The following SPTBN1 variants were observed in gnomAD, a reference collection of about 807,000 sequenced individuals.
SPTBN1 encodes spectrin beta chain, non-erythrocytic 1.
A neutral mutation model predicts 266.4 loss-of-function variants in SPTBN1; 32 were observed. The observed-to-expected ratio is 0.12, with a 90% CI of 0.09 to 0.16. The LOEUF (loss-of-function observed/expected upper bound fraction) is 0.16, where lower values mean the gene tolerates loss of function less well. SPTBN1 is among the 10% of genes least tolerant of loss of function. The pLI is 1.00. For synonymous variants in SPTBN1, 1,336 were observed against 1,162.2 expected, an observed-to-expected ratio of 1.15 and a Z score of -3.04; for missense variants, 2,296 against 3,067.1, an observed-to-expected ratio of 0.75 and a Z score of 5.94.
At chr2:54,616,083 G>C in intron 4 of SPTBN1, 124 bp from the exon 5 acceptor site, 1 of 701,226 alleles carries the variant, frequency 1.4e-6, no homozygotes, top group Non-Finnish European at 2.3e-6. Flanking sequence ...TGACAGGGTA[G>C]ATCGTCTGCA....
Position 54,646,482 on chromosome 2 carries a change from G to T in SPTBN1, c.4866+7G>T. ...GTCAGAGGAGAAGGCCAAGGTGAGA[G>T]GAGGCGGGAAGCATCCCTGTCCCAG... On this transcript the variant is annotated splice_region_variant and intron_variant, in intron 23 of 35. Transcript: ENST00000356805. This position sits in a 1 kb window ranked among gnomAD's most constrained non-coding sequence, Gnocchi z 4.4. The T allele has an allele frequency of 6.7e-7, 1 of 1,498,284 alleles. No individual in the cohort carries two copies. The highest frequency in any genetic ancestry group is 2.4e-5 in the Admixed American group (1 of 41,748). 92.8% of individuals were successfully genotyped at this position (1,498,284 alleles called of 1,614,324 possible). A position where few individuals can be genotyped will look rare whatever the true frequency, so the allele number is the denominator to read the frequency against.
intron 1 of SPTBN1, among the ~76,000 whole-genome samples, chr2:54,488,282 C>T (rs1053296185): frequency 1.3e-5 from 2 of 152,020 alleles, no homozygotes; most frequent in African/African-American, 2.4e-5. Flanking sequence ...AGGACTAGGG[C>T]GGGAAAGTGA....
At chr2:54,569,245 G>GTT (rs1436535368) in intron 2 of SPTBN1, among the ~76,000 whole-genome samples, 1 of 152,176 alleles carries the variant, frequency 6.6e-6, no homozygotes, top group East Asian at 1.9e-4. Flanking sequence ...TGATGGAAGG[G>GTT]TTGTGGCCAG....
intron 1 of SPTBN1, among the ~76,000 whole-genome samples, chr2:54,506,162 A>ATC (rs1669545193): frequency 1.4e-5 from 2 of 146,388 alleles, no homozygotes; most frequent in Non-Finnish European, 3.0e-5. Context: ...TAAATAAATA[A>ATC]AATCTGAATG....
chr2:54,529,909 TG>T (rs1671110683), intron 2 of SPTBN1: 1 of 367,430 alleles, frequency 2.7e-6, no homozygotes, highest in Admixed American at 4.3e-5. Flanking sequence ...GGGAGTGGTG[TG>T]GTAGGCTAAC....
intron 32 of SPTBN1, chr2:54,662,143 C>T (rs1013419375): frequency 2.2e-5 from 22 of 985,126 alleles, no homozygotes; most frequent in East Asian, 1.1e-4. Context: ...CTGGACTAAT[C>T]GCTAAAGAGA....
intron 1 of SPTBN1, among the ~76,000 whole-genome samples, chr2:54,517,415 A>G (rs981547236): frequency 2.7e-5 from 4 of 150,220 alleles, no homozygotes; most frequent in African/African-American, 1.0e-4. Flanking sequence ...ATCTTGTAAC[A>G]TACTCAGGGA....
At chr2:54,462,853 C>T (rs1693434142) in intron 1 of SPTBN1, among the ~76,000 whole-genome samples, 1 of 152,160 alleles carries the variant, frequency 6.6e-6, no homozygotes, top group South Asian at 2.1e-4. Flanking sequence ...TGGCAGACAT[C>T]GAAAATCAGT....
intron 2 of SPTBN1, among the ~76,000 whole-genome samples, chr2:54,581,496 T>A (rs1166504546): frequency 1.3e-5 from 2 of 151,900 alleles, no homozygotes; most frequent in Non-Finnish European, 2.9e-5. Context: ...GCCTCTGGGC[T>A]GCTTTGCTCA....
intron 2 of SPTBN1, among the ~76,000 whole-genome samples, chr2:54,535,556 G>A (rs1048364433): frequency 3.3e-5 from 5 of 152,110 alleles, no homozygotes; most frequent in Admixed American, 6.5e-5. Context: ...GGTTTCATCC[G>A]TGCTGTAGCA....
At chr2:54,624,697 C>A in intron 10 of SPTBN1, 107 bp from the exon 11 acceptor site, 2 of 1,480,728 alleles carry the variant, frequency 1.4e-6, no homozygotes, top group Non-Finnish European at 9.1e-7. Flanking sequence ...CCCATTCAAG[C>A]TGTCAGGTCC....
chr2:54,528,283 G>A (rs1029755699), intron 2 of SPTBN1: 1 of 152,696 alleles, frequency 6.5e-6, no homozygotes, highest in African/African-American at 2.4e-5. Context: ...TCCAGGCTAT[G>A]TATTATCTCC....
intron 2 of SPTBN1, among the ~76,000 whole-genome samples, chr2:54,565,361 A>AAG (rs1673594177): frequency 6.6e-6 from 1 of 152,152 alleles, no homozygotes; most frequent in African/African-American, 2.4e-5. Context: ...AGTGGGAAAA[A>AAG]CATTAGCTAC....
chr2:54,552,520 G>A (rs547930482), intron 2 of SPTBN1, among the ~76,000 whole-genome samples: 112 of 150,618 alleles, frequency 7.4e-4, no homozygotes, highest in African/African-American at 2.6e-3. Flanking sequence ...GCAGTGGCGC[G>A]ATCTCAGCTC....
chr2:54,553,259 C>G (rs1299237745), intron 2 of SPTBN1, among the ~76,000 whole-genome samples: 1 of 151,912 alleles, frequency 6.6e-6, no homozygotes, highest in Non-Finnish European at 1.5e-5. Context: ...GTGGGAGGCT[C>G]TTTGGGAGTT....
chr2:54,464,023 T>C (rs1251399936), intron 1 of SPTBN1, among the ~76,000 whole-genome samples: 11 of 152,242 alleles, frequency 7.2e-5, no homozygotes, highest in Non-Finnish European at 1.5e-5. Flanking sequence ...ATTTTTCCAC[T>C]TAATGGATAG....
Position 54,629,894 on chromosome 2 carries a change from T to A in SPTBN1, c.2672T>A (p.Phe891Tyr). The A allele has an allele frequency of 6.2e-7, 1 of 1,614,052 alleles. No homozygotes were observed. The highest frequency in any genetic ancestry group is 8.5e-7 in the Non-Finnish European group (1 of 1,180,024). ...LEDLEVIQHR[F>Y]ESLEPEMNNQ... Reference sequence around the variant, plus strand: ...ACCCTGTCAAATTGCCATTTCAGATTTGAGAGCCTAGAACCAGAAATGAAC... The same window carrying A: ...ACCCTGTCAAATTGCCATTTCAGATATGAGAGCCTAGAACCAGAAATGAAC... The change falls in exon 15 of 36, where the codon TTT becomes TAT. Residue 891 changes from phenylalanine to tyrosine, a missense_variant and splice_region_variant. This residue lies in a region of SPTBN1 where 434 missense variants were observed against 573.9 expected (regional missense o/e 0.76). Transcript: ENST00000356805.
chr2:54,548,731 C>G (rs532055314), intron 2 of SPTBN1, among the ~76,000 whole-genome samples: 6 of 152,156 alleles, frequency 3.9e-5, no homozygotes, highest in African/African-American at 1.4e-4. Context: ...ATTTTTCTTA[C>G]TATAAATGAG....
chr2:54,469,854 G>T (rs1380162090), intron 1 of SPTBN1, among the ~76,000 whole-genome samples: 1 of 152,200 alleles, frequency 6.6e-6, no homozygotes, highest in Admixed American at 6.5e-5. Context: ...GCTGCCAGTT[G>T]TCCCTAAATA....
Sources: gnomAD v4.1 joint callset for allele counts (sites outside exome capture counted in the v4.1 genomes callset) on GRCh38, gnomAD v4.1.1 for gene constraint, gnomAD v4.1.1 regional missense constraint, Gnocchi (gnomAD v3.1) non-coding constraint, MANE v1.5 for transcripts, NCBI Gene and HGNC (gene_info 2026-07-23, HGNC 2026-07-21) for gene names.